Variants in PLEKHA6 observed in about 807,000 individuals in gnomAD.
PLEKHA6 encodes pleckstrin homology domain-containing family A member 6.
Under a neutral mutation model 116.7 loss-of-function variants are expected in PLEKHA6, and 60 were observed. The ratio of observed to expected loss-of-function variants is 0.51; its 90% confidence interval spans 0.42 to 0.64. PLEKHA6 has a LOEUF of 0.64. Among genes scored for constraint, PLEKHA6 ranks in the 30% least tolerant of loss-of-function variants. The pLI is 0.00. For synonymous variants in PLEKHA6, 489 were observed against 556.1 expected, an observed-to-expected ratio of 0.88 and a Z score of 1.70; for missense variants, 1,338 against 1,422.7, an observed-to-expected ratio of 0.94 and a Z score of 0.96.
intron 1 of PLEKHA6, chr1:204,297,794 A>T: frequency 1.6e-6 from 1 of 639,684 alleles, no homozygotes; most frequent in Non-Finnish European, 1.9e-6. Flanking sequence ...CTACATTGCT[A>T]ACTATGAGCT....
chr1:204,233,187 C>CTTTTTTTTTTTTTTTTT (rs57991213), intron 17 of PLEKHA6, among the ~76,000 whole-genome samples: 1 of 129,786 alleles, frequency 7.7e-6, no homozygotes, highest in Non-Finnish European at 1.6e-5. Context: ...TTTTCTTTTT[C>CTTTTTTTTTTTTTTTTT]TTTTTTTTTT....
chr1:204,301,443 T>A, intron 1 of PLEKHA6: 1 of 985,390 alleles, frequency 1.0e-6, no homozygotes, highest in Non-Finnish European at 1.2e-6. Context: ...AGGCAATGTG[T>A]TATTTGGTTG....
intron 1 of PLEKHA6, among the ~76,000 whole-genome samples, chr1:204,279,073 T>TTCTACTGAAGGTGAA (rs1474436818): frequency 4.6e-5 from 7 of 152,096 alleles, no homozygotes; most frequent in African/African-American, 1.7e-4. Flanking sequence ...TTGATCCACC[T>TTCTACTGAAGGTGAA]TCAGTAGGAC....
At chr1:204,225,598 C>A (rs935454387) in intron 21 of PLEKHA6, among the ~76,000 whole-genome samples, 1 of 152,156 alleles carries the variant, frequency 6.6e-6, no homozygotes, top group Non-Finnish European at 1.5e-5. Context: ...TCCCATACTG[C>A]GGAAAAGCCA....
At chr1:204,373,695 G>A (rs1380973780) in intron 1 of PLEKHA6, among the ~76,000 whole-genome samples, 1 of 152,196 alleles carries the variant, frequency 6.6e-6, no homozygotes, top group Non-Finnish European at 1.5e-5. Flanking sequence ...ATGAACATTT[G>A]TGTACTAGTG....
intron 1 of PLEKHA6, among the ~76,000 whole-genome samples, chr1:204,314,735 T>C (rs1400160048): frequency 6.6e-6 from 1 of 152,216 alleles, no homozygotes; most frequent in Non-Finnish European, 1.5e-5. Context: ...TCAGAGACCT[T>C]TATCCACTTC....
At chr1:204,258,724 A>G (rs1473844215) in intron 8 of PLEKHA6, among the ~76,000 whole-genome samples, 1 of 152,242 alleles carries the variant, frequency 6.6e-6, no homozygotes, top group Non-Finnish European at 1.5e-5. Flanking sequence ...CAGTCATTGG[A>G]TAAAGGCGTA....
At chr1:204,329,928 C>T (rs1672388402) in intron 1 of PLEKHA6, among the ~76,000 whole-genome samples, 1 of 151,252 alleles carries the variant, frequency 6.6e-6, no homozygotes, top group Non-Finnish European at 1.5e-5. Flanking sequence ...CCAGTTTCTT[C>T]AGAAGAGAGA....
chr1:204,362,570 C>T (rs1673581189), upstream of PLEKHA6, among the ~76,000 whole-genome samples: 1 of 152,200 alleles, frequency 6.6e-6, no homozygotes, highest in African/African-American at 2.4e-5. Context: ...CCTCGCAGAA[C>T]ATGCCAACTA....
rs1158317857 is a variant in PLEKHA6, at chr1:204,223,214, A to C, written c.*8+248T>G. ...GGCTCCATTCCCTGCCTGCTTCTGG[A>C]GAAGCAAAGGCCATTGGCATCACAA... is the stretch of plus-strand genomic sequence containing the variant. On this transcript the variant is annotated intron_variant, in intron 22 of 22. Coordinates refer to ENST00000272203, the MANE Select transcript of PLEKHA6 (RefSeq NM_014935.5). This position sits in a 1 kb window ranked among gnomAD's most constrained non-coding sequence, Gnocchi z 4.8. Among the ~76,000 whole-genome samples, 1 of 152,104 alleles carries C rather than the reference A, an allele frequency of 6.6e-6. No individual in the cohort carries two copies. Among genetic ancestry groups the C allele is most frequent in the African/African-American group, 2.4e-5 (1 of 41,436 alleles).
At position 204,318,625 on chromosome 1, in the gene PLEKHA6, T is replaced by C. The variant is rs561890865; in HGVS notation, c.-95+41069A>G. 5.1e-5 allele frequency among the ~76,000 whole-genome samples: 7 copies of C among 137,348 alleles called. No homozygotes were observed. The East Asian group carries it at 1.4e-3, about 27-fold the overall frequency. 90.1% of individuals were successfully genotyped at this position (137,348 alleles called of 152,430 possible). A position where few individuals can be genotyped will look rare whatever the true frequency, so the allele number is the denominator to read the frequency against. On this transcript the variant is annotated intron_variant, in intron 1 of 22. Coordinates refer to ENST00000272203, the MANE Select transcript of PLEKHA6 (RefSeq NM_014935.5). Reference sequence around the variant, plus strand: ...TCAAGCAATTTAATTTTCAAGTGGCTTGAATTCAGGAAACAATAACTCCAG... The same window carrying C: ...TCAAGCAATTTAATTTTCAAGTGGCCTGAATTCAGGAAACAATAACTCCAG...
At chr1:204,312,841 ATTTTC>A (rs138741377) in intron 1 of PLEKHA6, among the ~76,000 whole-genome samples, 7,902 of 140,456 alleles carry the variant, frequency 0.056, 254 homozygotes, top group Middle Eastern at 0.1. Flanking sequence ...CCCTTAGCCC[ATTTTC>A]TTTTCTTTTC....
intron 1 of PLEKHA6, among the ~76,000 whole-genome samples, chr1:204,319,490 C>T (rs531939565): frequency 1.9e-4 from 29 of 151,968 alleles, no homozygotes; most frequent in Non-Finnish European, 3.4e-4. Context: ...TGAACATAAG[C>T]GAGGGAGGAT....
chr1:204,247,575 G>C (rs1166822363), intron 12 of PLEKHA6, 115 bp from the exon 13 acceptor site: 5 of 661,394 alleles, frequency 7.6e-6, no homozygotes, highest in Non-Finnish European at 1.3e-5. Context: ...GGGGAAGAGG[G>C]CATGGAGGGA....
intron 1 of PLEKHA6, among the ~76,000 whole-genome samples, chr1:204,299,344 A>G (rs1670590710): frequency 1.3e-5 from 2 of 152,376 alleles, no homozygotes; most frequent in East Asian, 1.9e-4. Context: ...ACACCAGGCC[A>G]TCTGAGAGGA....
chr1:204,234,622 G>A (rs923677880), intron 17 of PLEKHA6, among the ~76,000 whole-genome samples: 1 of 152,132 alleles, frequency 6.6e-6, no homozygotes, highest in Non-Finnish European at 1.5e-5. Context: ...AGGATACAAA[G>A]TATTGATCCT....
At chr1:204,365,267 AGAATAATAT>A (rs1177768553) in intron 3 of PLEKHA6, among the ~76,000 whole-genome samples, 1 of 152,200 alleles carries the variant, frequency 6.6e-6, no homozygotes, top group African/African-American at 2.4e-5. Flanking sequence ...TTTTTAATGG[AGAATAATAT>A]GACCAAATTT....
intron 1 of PLEKHA6, among the ~76,000 whole-genome samples, chr1:204,331,068 C>T (rs559335780): frequency 6.2e-4 from 94 of 152,154 alleles, no homozygotes; most frequent in African/African-American, 2.1e-3. Context: ...ATGTTGGCGG[C>T]GCATGCCTCT....
At position 204,257,550 on chromosome 1, in the gene PLEKHA6, A is replaced by G; in HGVS notation, c.1327T>C (p.Ser443Pro). The G allele has an allele frequency of 6.3e-7, 1 of 1,597,942 alleles. No individual in the cohort carries two copies. Among genetic ancestry groups the G allele is most frequent in the Non-Finnish European group, 8.5e-7 (1 of 1,171,362 alleles). ...GGCTGCAGGGACAGGCGGCGCAGGG[A>G]GCTAGAGGCGGCATCCAGCTCATCA... ...YYDELDAASS[S>P]LRRLSLQPRS... Residue 443 changes from serine to proline, a missense_variant, in exon 9 of 23, where the codon TCC becomes CCC. By Grantham distance (74) the Ser-to-Pro change is moderately conservative (BLOSUM62 -1). Coordinates refer to ENST00000272203, the MANE Select transcript of PLEKHA6 (RefSeq NM_014935.5). This position sits in a 1 kb window ranked among gnomAD's most constrained non-coding sequence, Gnocchi z 6.5.
Sources: gnomAD v4.1 joint callset for allele counts (sites outside exome capture counted in the v4.1 genomes callset) on GRCh38, gnomAD v4.1.1 for gene constraint, Gnocchi (gnomAD v3.1) non-coding constraint, MANE v1.5 for transcripts, NCBI Gene and HGNC (gene_info 2026-07-23, HGNC 2026-07-21) for gene names.